The following SLC20A1 variants were observed in gnomAD, a reference collection of about 807,000 sequenced individuals.
SLC20A1 encodes the protein sodium-dependent phosphate transporter 1.
Under a neutral mutation model 62.7 loss-of-function variants are expected in SLC20A1, and 28 were observed. The observed-to-expected ratio is 0.45, with a 90% CI of 0.33 to 0.61. SLC20A1 has a LOEUF of 0.61. Among genes scored for constraint, SLC20A1 ranks in the 20% least tolerant of loss-of-function variants. SLC20A1 has a pLI of 0.02. For missense variants in SLC20A1, 673 were observed against 838.6 expected, an observed-to-expected ratio of 0.80 and a Z score of 2.44; for synonymous variants, 305 against 302.9, an observed-to-expected ratio of 1.01 and a Z score of -0.07.
At chr2:112,657,312 A>G in intron 6 of SLC20A1, 71 bp downstream of exon 6, 2 of 1,477,034 alleles carry the variant, frequency 1.4e-6, no homozygotes, top group Non-Finnish European at 1.8e-6. Flanking sequence ...GGCCACCTGT[A>G]AAAATCTATT....
At chr2:112,649,211 G>A (rs903242829) in intron 4 of SLC20A1, among the ~76,000 whole-genome samples, 4 of 152,228 alleles carry the variant, frequency 2.6e-5, no homozygotes, top group African/African-American at 9.6e-5. Flanking sequence ...ATTGAGGGCT[G>A]AAGTTAGATA....
At chr2:112,646,390 G>A (rs1237263985) in intron 1 of SLC20A1, among the ~76,000 whole-genome samples, 173 bp from the exon 2 acceptor site, 1 of 152,008 alleles carries the variant, frequency 6.6e-6, no homozygotes, top group Non-Finnish European at 1.5e-5. Flanking sequence ...GCGCGCGCGG[G>A]CCGCGGAGGA....
At position 112,663,531 on chromosome 2, in the gene SLC20A1, T is replaced by C; in HGVS notation, c.*506T>C. 4.9e-6 allele frequency: 1 copy of C among 202,278 alleles called. No homozygotes were observed. The highest frequency in any genetic ancestry group is 7.8e-5 in the South Asian group (1 of 12,840). The allele number at this position is 202,278 out of a possible 1,614,324, so 12.5% of individuals were successfully genotyped here. A position where few individuals can be genotyped will look rare whatever the true frequency, so the allele number is the denominator to read the frequency against. The stretch of plus-strand genomic sequence containing the variant: ...CCTTGGTACTCTGCCCTCCTGTCAG[T>C]AGTGGCAGGATCTATTGGCATATTC... On this transcript the variant is annotated 3_prime_UTR_variant, in exon 11 of 11. Coordinates refer to ENST00000272542, the MANE Select transcript of SLC20A1 (RefSeq NM_005415.5).
intron 9 of SLC20A1, 173 bp downstream of exon 9, chr2:112,660,745 C>A (rs1342157972): frequency 3.2e-6 from 2 of 627,302 alleles, no homozygotes; most frequent in Non-Finnish European, 5.2e-6. Context: ...ACATTTTGGT[C>A]AGACATTTTA....
At chr2:112,656,281 C>T (rs754172064) in intron 5 of SLC20A1, among the ~76,000 whole-genome samples, 3 of 149,720 alleles carry the variant, frequency 2.0e-5, no homozygotes, top group East Asian at 3.9e-4. Flanking sequence ...CTGCAACCTC[C>T]GCCCTGCCAG....
chr2:112,652,762 A>G lies in SLC20A1; in HGVS notation c.622A>G (p.Ile208Val). Reference sequence around the variant, plus strand: ...AGTTTTCTATGCCTGCACAGTTGGAATAAACCTCTTTTCCATCATGTATAC... The same window carrying G: ...AGTTTTCTATGCCTGCACAGTTGGAGTAAACCTCTTTTCCATCATGTATAC... ...LPVFYACTVG[I>V]NLFSIMYTGA... is the part of the protein sequence containing the mutation. Residue 208 changes from isoleucine to valine, a missense_variant, in exon 5 of 11, where the codon ATA becomes GTA. By Grantham distance (29) the Ile-to-Val change is conservative. Transcript: ENST00000272542. The G allele has an allele frequency of 1.2e-6, 2 of 1,614,188 alleles. No homozygotes were observed. The highest frequency in any genetic ancestry group is 2.2e-5 in the East Asian group (1 of 44,888).
In SLC20A1 at chr2:112,654,072, A is replaced by G. The variant is rs1426954492; in HGVS notation, c.658+1274A>G. ...CTCCCAAAGTGCTGGGATTACAGAC[A>G]TGATCACCGCACCTCGCCAATATTT... On this transcript the variant is annotated intron_variant, in intron 5 of 10. Transcript: ENST00000272542. Among the ~76,000 whole-genome samples the G allele has an allele frequency of 5.9e-5, 9 of 152,162 alleles. 1 individual carries two copies. The highest frequency in any genetic ancestry group is 6.3e-3 in the Middle Eastern group (2 of 316).
intron 5 of SLC20A1, among the ~76,000 whole-genome samples, chr2:112,656,535 T>C (rs981549750): frequency 2.0e-5 from 3 of 152,232 alleles, no homozygotes; most frequent in South Asian, 4.1e-4. Flanking sequence ...TCTTAAATTA[T>C]CAACTTTTGA....
chr2:112,650,360 T>C (rs1686401789), intron 4 of SLC20A1, among the ~76,000 whole-genome samples: 1 of 142,994 alleles, frequency 7.0e-6, no homozygotes, highest in African/African-American at 2.6e-5. Flanking sequence ...TGAGACGGAG[T>C]CTCACTCTGT....
At chr2:112,661,464 T>G (rs1428594043) in intron 10 of SLC20A1, among the ~76,000 whole-genome samples, 1 of 152,146 alleles carries the variant, frequency 6.6e-6, no homozygotes. Flanking sequence ...CCTCTTCCTT[T>G]GTTACTTTAT....
chr2:112,651,554 C>T (rs1415617466), intron 4 of SLC20A1, among the ~76,000 whole-genome samples: 1 of 152,122 alleles, frequency 6.6e-6, no homozygotes, highest in Non-Finnish European at 1.5e-5. Context: ...CAGATGCTTG[C>T]CACCACATCC....
chr2:112,652,607 C>A, intron 4 of SLC20A1, 95 bp from the exon 5 acceptor site: 1 of 922,274 alleles, frequency 1.1e-6, no homozygotes, highest in Non-Finnish European at 1.8e-6. Context: ...GAGTTATTGG[C>A]ACTATAATTC....
chr2:112,658,823 A>G lies in SLC20A1; in HGVS notation c.779-2A>G, dbSNP rs754310099. 1.9e-6 allele frequency: 3 copies of G among 1,580,458 alleles called. No homozygotes were observed. Among genetic ancestry groups the G allele is most frequent in the Non-Finnish European group, 8.6e-7 (1 of 1,165,260 alleles). ...AAAAAAGACCCCCCTTTTTTTTCCTAGGAGAAATAAAGTGTAGTCCTTCTG... is the reference window on the plus strand; with the variant it reads ...AAAAAAGACCCCCCTTTTTTTTCCTGGGAGAAATAAAGTGTAGTCCTTCTG... On this transcript the variant is annotated splice_acceptor_variant, in intron 6 of 10. Coordinates refer to ENST00000272542, the MANE Select transcript of SLC20A1 (RefSeq NM_005415.5). LOFTEE classifies it high-confidence loss of function.
chr2:112,653,109 C>T (rs757698582), intron 5 of SLC20A1: 7 of 460,842 alleles, frequency 1.5e-5, no homozygotes, highest in African/African-American at 2.0e-5. Flanking sequence ...TTAATACTGA[C>T]CTCAACTACT....
At chr2:112,655,795 G>A (rs1255901415) in intron 5 of SLC20A1, among the ~76,000 whole-genome samples, 1 of 152,110 alleles carries the variant, frequency 6.6e-6, no homozygotes, top group Non-Finnish European at 1.5e-5. Context: ...GACCTCCTGG[G>A]TTCAAGTGAT....
At chr2:112,649,332 C>G (rs906751554) in intron 4 of SLC20A1, among the ~76,000 whole-genome samples, 4 of 152,210 alleles carry the variant, frequency 2.6e-5, no homozygotes, top group South Asian at 4.1e-4. Flanking sequence ...CTTTGAGGAT[C>G]TTCCCCCACT....
intron 4 of SLC20A1, among the ~76,000 whole-genome samples, chr2:112,651,532 T>C (rs1686436008): frequency 6.6e-6 from 1 of 151,932 alleles, no homozygotes; most frequent in South Asian, 2.1e-4. Context: ...GCCTCCAGAG[T>C]AGCTGGGACT....
In SLC20A1 at chr2:112,647,681, T is replaced by G. The variant is rs761358979; in HGVS notation, c.504T>G (p.Leu168=). ...TGTCTTGGTTCGTGTCCCCACTGCT[T>G]TCTGGAATTATGTCTGGAATTTTAT... ...IVMSWFVSPL[L]SGIMSGILFF... is the part of the protein sequence containing the mutation. The change falls in exon 4 of 11, where the codon CTT becomes CTG. Residue 168 remains leucine, a synonymous_variant. Coordinates refer to ENST00000272542, the MANE Select transcript of SLC20A1 (RefSeq NM_005415.5). 14 of 1,613,978 alleles carry G rather than the reference T, an allele frequency of 8.7e-6. No homozygotes were observed. The highest frequency in any genetic ancestry group is 1.3e-5 in the African/African-American group (1 of 74,924).
At chr2:112,662,796 A>G (rs941175357) in intron 10 of SLC20A1, 68 bp from the exon 11 acceptor site, 3 of 1,505,314 alleles carry the variant, frequency 2.0e-6, no homozygotes, top group African/African-American at 2.8e-5. Context: ...AAACAGTCTC[A>G]GGTGTCTGTT....
Sources: gnomAD v4.1 joint callset for allele counts (sites outside exome capture counted in the v4.1 genomes callset) on GRCh38, gnomAD v4.1.1 for gene constraint, MANE v1.5 for transcripts, NCBI Gene and HGNC (gene_info 2026-07-23, HGNC 2026-07-21) for gene names.